FAM83A: variants seen among roughly 807,000 people sequenced by gnomAD.
The protein encoded by FAM83A is scaffolding CK1 anchoring protein A, also known as protein FAM83A.
In FAM83A, 21 loss-of-function variants were observed where a neutral mutation model predicts 24.4. The observed-to-expected ratio is 0.86, with a 90% CI of 0.61 to 1.24. The LOEUF is 1.24. Ranked by LOEUF, FAM83A falls within the 50% of genes most tolerant of loss-of-function variation. FAM83A has a pLI of 0.00. For missense variants in FAM83A, 617 were observed against 579.8 expected (o/e 1.06, Z -0.66); for synonymous variants, 270 against 252.4 (o/e 1.07, Z -0.66).
chr8:123,207,881 C>G lies in FAM83A; in HGVS notation c.*193C>G, dbSNP rs988377963. ...CCCACCAGTTCTTGGGTTCCCCGCT[C>G]TAGTTTGACCTGTGCAGCACATTCC... is the stretch of plus-strand genomic sequence containing the variant. On this transcript the variant is annotated 3_prime_UTR_variant, in exon 4 of 4. Transcript: ENST00000690554. 5 of 1,376,092 alleles carry G rather than the reference C, an allele frequency of 3.6e-6. No individual in the cohort carries two copies. The East Asian group carries it at 1.4e-4, about 39-fold the overall frequency. The allele number at this position is 1,376,092 out of a possible 1,614,324, so 85.2% of individuals were successfully genotyped here.
intron 2 of FAM83A, 111 bp downstream of exon 2, chr8:123,192,081 G>A (rs560862337): frequency 2.5e-4 from 320 of 1,283,604 alleles, no homozygotes; most frequent in Non-Finnish European, 3.2e-4. Flanking sequence ...ACACAATAAA[G>A]GTTCATTTCT....
intron 1 of FAM83A, among the ~76,000 whole-genome samples, chr8:123,184,252 C>T (rs1452420476): frequency 6.6e-6 from 1 of 152,052 alleles, no homozygotes; most frequent in Non-Finnish European, 1.5e-5. Context: ...AGCCTCTTCC[C>T]CAGAAAACCT....
At chr8:123,204,191 T>C (rs1402319423) in intron 3 of FAM83A, among the ~76,000 whole-genome samples, 4 of 151,734 alleles carry the variant, frequency 2.6e-5, no homozygotes, top group African/African-American at 9.7e-5. Flanking sequence ...GCAGGGAGGA[T>C]CACTTGAAGC....
At chr8:123,196,735 A>G (rs1193489279) in intron 3 of FAM83A, among the ~76,000 whole-genome samples, 1 of 152,162 alleles carries the variant, frequency 6.6e-6, no homozygotes, top group East Asian at 1.9e-4. Flanking sequence ...CAGAAAATCT[A>G]CTTAAACTGG....
intron 2 of FAM83A, among the ~76,000 whole-genome samples, chr8:123,192,652 T>C (rs1264743083): frequency 2.0e-5 from 3 of 152,162 alleles, no homozygotes; most frequent in Non-Finnish European, 4.4e-5. Context: ...CAGTCTCCTC[T>C]AGTTCAGGCA....
At chr8:123,197,251 G>T (rs1824187536) in intron 3 of FAM83A, among the ~76,000 whole-genome samples, 1 of 152,194 alleles carries the variant, frequency 6.6e-6, no homozygotes, top group South Asian at 2.1e-4. Flanking sequence ...TTGAAGGTAG[G>T]AGAACAAGGC....
At chr8:123,202,502 G>C (rs1309473303) in intron 3 of FAM83A, 1 of 152,856 alleles carries the variant, frequency 6.5e-6, no homozygotes, top group Non-Finnish European at 1.5e-5. Context: ...TTGATTAGCC[G>C]AGATTGTAAA....
intron 3 of FAM83A, among the ~76,000 whole-genome samples, chr8:123,199,308 G>A (rs1685678827): frequency 6.6e-6 from 1 of 152,216 alleles, no homozygotes; most frequent in Non-Finnish European, 1.5e-5. Context: ...GGGTCTGTTT[G>A]AAAAGGATTC....
At chr8:123,204,633 G>A (rs1824479180) in intron 3 of FAM83A, among the ~76,000 whole-genome samples, 2 of 151,972 alleles carry the variant, frequency 1.3e-5, no homozygotes, top group Admixed American at 6.6e-5. Flanking sequence ...ATGGTGGCGG[G>A]CGCCTGTAGT....
At position 123,194,190 on chromosome 8, in the gene FAM83A, C is replaced by T. The variant is rs114333823; in HGVS notation, c.773+42C>T. 2.4e-3 allele frequency: 3,879 copies of T among 1,610,728 alleles called. 75 individuals are homozygous for T. In the African/African-American group the frequency reaches 0.046, roughly 19 times the overall value. On this transcript the variant is annotated intron_variant, in intron 3 of 3. Transcript: ENST00000690554. Reference sequence around the variant, plus strand: ...TCTCCTGTCAAGGATTCATGGAGAACAAGGGCTGAGTGAGGTGCAGACCAG... The same window carrying T: ...TCTCCTGTCAAGGATTCATGGAGAATAAGGGCTGAGTGAGGTGCAGACCAG...
intron 3 of FAM83A, among the ~76,000 whole-genome samples, chr8:123,198,221 C>G (rs1245051905): frequency 6.6e-6 from 1 of 152,078 alleles, no homozygotes; most frequent in African/African-American, 2.4e-5. Flanking sequence ...CCCGGAGGCT[C>G]TTATCTATAA....
chr8:123,182,255 G>A, upstream of FAM83A: 1 of 389,970 alleles, frequency 2.6e-6, no homozygotes, highest in Non-Finnish European at 5.3e-6. Flanking sequence ...AGGAGAGGAG[G>A]CGCGCCTGGT....
chr8:123,192,590 A>G (rs77759076), intron 2 of FAM83A, among the ~76,000 whole-genome samples: 2,246 of 152,332 alleles, frequency 0.015, 69 homozygotes, highest in African/African-American at 0.051. Flanking sequence ...CATAGCTTTC[A>G]TGAGTAGGCC....
exon 4 of FAM83A, chr8:123,208,044 T>G: frequency 6.5e-6 from 7 of 1,080,984 alleles, no homozygotes; most frequent in Non-Finnish European, 7.8e-6. Context: ...CAGCCCAAGT[T>G]TTACAAATGG....
At chr8:123,187,396 C>T (rs1373383590) in intron 1 of FAM83A, among the ~76,000 whole-genome samples, 1 of 152,146 alleles carries the variant, frequency 6.6e-6, no homozygotes. Flanking sequence ...TCCCAGACAA[C>T]CCTTCGCAGC....
chr8:123,199,276 T>G (rs955691552), intron 3 of FAM83A, among the ~76,000 whole-genome samples: 1 of 152,178 alleles, frequency 6.6e-6, no homozygotes, highest in Non-Finnish European at 1.5e-5. Flanking sequence ...TATTTTGATA[T>G]TAATAATTAT....
rs1824295326 is a variant in FAM83A at position 123,200,008 on chromosome 8, T to C, written c.773+5860T>C. 1.9e-5 allele frequency: 3 copies of C among 153,982 alleles called. No individual in the cohort carries two copies. The Admixed American group carries it at 2.0e-4, about 10-fold the overall frequency. 9.5% of individuals were successfully genotyped at this position (153,982 alleles called of 1,614,324 possible). ...ACAAGACAGATGGGAGTGGAGTTCA[T>C]CTCTCCCTGTCTTATGGGAGCTACT... is the stretch of plus-strand genomic sequence containing the variant. On this transcript the variant is annotated intron_variant, in intron 3 of 3. Transcript: ENST00000690554.
intron 1 of FAM83A, among the ~76,000 whole-genome samples, chr8:123,183,657 CT>C (rs543769733): frequency 6.7e-5 from 10 of 149,722 alleles, no homozygotes; most frequent in South Asian, 2.2e-4. Context: ...CTTTTTTTTT[CT>C]TTTTTTTCTT....
At chr8:123,196,495 G>A (rs1824158885) in intron 3 of FAM83A, among the ~76,000 whole-genome samples, 1 of 151,992 alleles carries the variant, frequency 6.6e-6, no homozygotes, top group Non-Finnish European at 1.5e-5. Context: ...TTCTTTTTTA[G>A]ATAGCTCCTT....
Sources: gnomAD v4.1 joint callset for allele counts (sites outside exome capture counted in the v4.1 genomes callset) on GRCh38, gnomAD v4.1.1 for gene constraint, MANE v1.5 for transcripts, NCBI Gene and HGNC (gene_info 2026-07-23, HGNC 2026-07-21) for gene names.